The following RASA1 variants were observed in gnomAD, a reference collection of about 807,000 sequenced individuals.
RASA1 encodes ras GTPase-activating protein 1.
Under a neutral mutation model 132.2 loss-of-function variants are expected in RASA1, and 25 were observed. That is an observed-to-expected ratio of 0.19 (90% CI 0.14 to 0.26). RASA1 has a LOEUF of 0.26. Among genes scored for constraint, RASA1 ranks in the 10% least tolerant of loss-of-function variants. RASA1 has a pLI of 1.00. For missense variants in RASA1, 964 were observed against 1,299.2 expected (o/e 0.74, Z 3.97); for synonymous variants, 477 against 449.9 (o/e 1.06, Z -0.76).
rs866916694 is a variant in RASA1, at chr5:87,329,618, C to G, written c.540-1730C>G. Among the ~76,000 whole-genome samples the G allele has an allele frequency of 3.3e-5, 5 of 152,056 alleles. No individual in the cohort carries two copies. The South Asian group carries it at 1.0e-3, about 32-fold the overall frequency. ...GAGATTAAAGAAAAACCTTTTTCAT[C>G]TTGACACTACCTAAGACATAACAGA... On this transcript the variant is annotated intron_variant, in intron 1 of 24. Coordinates refer to ENST00000274376, the MANE Select transcript of RASA1 (RefSeq NM_002890.3).
intron 5 of RASA1, among the ~76,000 whole-genome samples, chr5:87,340,640 G>A (rs1306867544): frequency 6.6e-6 from 1 of 152,052 alleles, no homozygotes; most frequent in East Asian, 1.9e-4. Context: ...AAAGGGGGAT[G>A]TCTTTTATAT....
intron 1 of RASA1, among the ~76,000 whole-genome samples, chr5:87,315,991 C>T (rs1324871411): frequency 3.3e-5 from 5 of 151,936 alleles, no homozygotes; most frequent in East Asian, 1.9e-4. Context: ...TTAGTAATTT[C>T]CTTAAAATTA....
At chr5:87,312,788 T>C (rs1350206233) in intron 1 of RASA1, among the ~76,000 whole-genome samples, 1 of 152,210 alleles carries the variant, frequency 6.6e-6, no homozygotes, top group Non-Finnish European at 1.5e-5. Flanking sequence ...CTCAGAGTAC[T>C]GGAAAATCTA....
intron 13 of RASA1, 118 bp from the exon 14 acceptor site, chr5:87,374,045 A>T: frequency 8.6e-6 from 8 of 928,492 alleles, no homozygotes; most frequent in Non-Finnish European, 1.1e-5. Context: ...TTTTCTGAAA[A>T]AAAAGGGGAA....
In RASA1 at chr5:87,268,328, T is replaced by G; in HGVS notation, c.-124T>G. On this transcript the variant is annotated 5_prime_UTR_variant, in exon 1 of 25. Coordinates refer to ENST00000274376, the MANE Select transcript of RASA1 (RefSeq NM_002890.3). ...GGCGGCGGGCTCTCTCCTTTTGTTGTTGTTTCCTCAGCCTGGGGAGCTGAA... is the reference window on the plus strand; with the variant it reads ...GGCGGCGGGCTCTCTCCTTTTGTTGGTGTTTCCTCAGCCTGGGGAGCTGAA... 3.8e-5 allele frequency: 42 copies of G among 1,118,916 alleles called. No individual in the cohort carries two copies. The highest frequency in any genetic ancestry group is 4.9e-5 in the Non-Finnish European group (40 of 819,026). The allele number at this position is 1,118,916 out of a possible 1,614,324, so 69.3% of individuals were successfully genotyped here.
At chr5:87,383,891 C>T (rs1267405954) in intron 21 of RASA1, 111 bp downstream of exon 21, 2 of 945,684 alleles carry the variant, frequency 2.1e-6, no homozygotes, top group Non-Finnish European at 3.2e-6. Flanking sequence ...CAATTCTAGT[C>T]ATGGCATATA....
At chr5:87,351,615 G>A (rs1376491210) in intron 8 of RASA1, among the ~76,000 whole-genome samples, 5 of 151,780 alleles carry the variant, frequency 3.3e-5, no homozygotes, top group Admixed American at 1.3e-4. Context: ...AGTTTTCTGA[G>A]ATGTAAATCT....
intron 6 of RASA1, among the ~76,000 whole-genome samples, chr5:87,341,683 A>G (rs1006101748): frequency 6.6e-6 from 1 of 152,012 alleles, no homozygotes; most frequent in Non-Finnish European, 1.5e-5. Context: ...ATCCCCCCAA[A>G]ATAACGGTTC....
intron 4 of RASA1, among the ~76,000 whole-genome samples, chr5:87,335,517 C>T (rs999408468): frequency 6.7e-6 from 1 of 149,290 alleles, no homozygotes; most frequent in Non-Finnish European, 1.5e-5. Context: ...CCTCCGCCAC[C>T]TGGGTTCAAG....
chr5:87,378,557 A>C lies in RASA1; in HGVS notation c.2487+19A>C. 5 of 1,588,022 alleles carry C rather than the reference A, an allele frequency of 3.1e-6. No individual in the cohort carries two copies. The highest frequency in any genetic ancestry group is 4.3e-6 in the Non-Finnish European group (5 of 1,156,920). Reference sequence around the variant, plus strand: ...TTGTGAGGTAAGAATTTAATGTTTTAATAAGTATTTTTGCAAAGAACATAT... The same window carrying C: ...TTGTGAGGTAAGAATTTAATGTTTTCATAAGTATTTTTGCAAAGAACATAT... On this transcript the variant is annotated intron_variant, in intron 18 of 24. Transcript: ENST00000274376.
At chr5:87,286,112 A>C (rs1028076473) in intron 1 of RASA1, among the ~76,000 whole-genome samples, 3 of 150,052 alleles carry the variant, frequency 2.0e-5, no homozygotes, top group South Asian at 2.1e-4. Flanking sequence ...AGCAATTCTC[A>C]TGCCTCAGCC....
At chr5:87,284,340 A>G (rs984543527) in intron 1 of RASA1, among the ~76,000 whole-genome samples, 1 of 152,198 alleles carries the variant, frequency 6.6e-6, no homozygotes, top group Non-Finnish European at 1.5e-5. Context: ...TTCTCTCTCT[A>G]TATAGACAGA....
intron 1 of RASA1, chr5:87,330,892 A>G (rs1757552629): frequency 3.3e-6 from 4 of 1,197,144 alleles, no homozygotes; most frequent in Non-Finnish European, 4.4e-6. Flanking sequence ...TTCCTGTCGC[A>G]GGGCACAAAC....
chr5:87,359,666 G>T (rs781182403), intron 9 of RASA1, among the ~76,000 whole-genome samples: 3 of 152,084 alleles, frequency 2.0e-5, no homozygotes, highest in Non-Finnish European at 2.9e-5. Flanking sequence ...ATACAAATCT[G>T]TATTACCAGG....
At chr5:87,321,027 A>T (rs1037817058) in intron 1 of RASA1, among the ~76,000 whole-genome samples, 2 of 152,220 alleles carry the variant, frequency 1.3e-5, no homozygotes, top group African/African-American at 4.8e-5. Flanking sequence ...GAAATGATTA[A>T]GCCTGTGGTT....
intron 1 of RASA1, among the ~76,000 whole-genome samples, chr5:87,327,941 T>C (rs1002284434): frequency 1.3e-4 from 19 of 148,946 alleles, no homozygotes; most frequent in Admixed American, 5.4e-4. Flanking sequence ...CACCCCAACC[T>C]GGGTAACAGA....
intron 1 of RASA1, among the ~76,000 whole-genome samples, chr5:87,329,620 T>C (rs1415597039): frequency 6.6e-6 from 1 of 152,224 alleles, no homozygotes; most frequent in African/African-American, 2.4e-5. Flanking sequence ...TTTTTCATCT[T>C]GACACTACCT....
chr5:87,361,686 A>G (rs1760104684), intron 9 of RASA1, among the ~76,000 whole-genome samples: 1 of 152,180 alleles, frequency 6.6e-6, no homozygotes, highest in Admixed American at 6.5e-5. Context: ...GCTATAATGT[A>G]ACATATGCAT....
chr5:87,285,086 T>TTTA (rs1561254719), intron 1 of RASA1, among the ~76,000 whole-genome samples: 4 of 119,160 alleles, frequency 3.4e-5, no homozygotes, highest in Non-Finnish European at 5.4e-5. Context: ...TTATTTATTT[T>TTTA]GAGATGGAGT....
Sources: allele counts gnomAD v4.1 joint callset (sites outside exome capture counted in the v4.1 genomes callset), GRCh38; gene constraint gnomAD v4.1.1; transcripts MANE v1.5; gene names NCBI Gene and HGNC (gene_info 2026-07-23, HGNC 2026-07-21).